The following SNX24 variants were observed in gnomAD, a reference collection of about 807,000 sequenced individuals.
SNX24 encodes the protein sorting nexin 24, also known as sorting nexin-24.
In SNX24, 22 loss-of-function variants were observed where a neutral mutation model predicts 28.7. The ratio of observed to expected loss-of-function variants is 0.77; its 90% CI spans 0.55 to 1.10. SNX24 has a LOEUF of 1.10. SNX24 is among the 50% of genes least tolerant of loss of function. The pLI, the probability that SNX24 is intolerant of heterozygous loss-of-function variation, is 0.00. For synonymous variants in SNX24, 69 were observed against 71.5 expected, an observed-to-expected ratio of 0.96 and a Z score of 0.18; for missense variants, 221 against 201.1, an observed-to-expected ratio of 1.10 and a Z score of -0.60.
At chr5:123,002,071 T>G in intron 6 of SNX24, 67 bp downstream of exon 6, 1 of 1,231,104 alleles carries the variant, frequency 8.1e-7, no homozygotes, top group Non-Finnish European at 1.2e-6. Context: ...AAACCACGTT[T>G]TTAATACAGG....
chr5:122,997,247 A>G (rs990620481), intron 3 of SNX24, among the ~76,000 whole-genome samples: 2 of 152,232 alleles, frequency 1.3e-5, no homozygotes, highest in Non-Finnish European at 2.9e-5. Flanking sequence ...CTAAATGCTT[A>G]ACTAACTCTC....
At chr5:122,975,072 A>G (rs2150151269) in intron 3 of SNX24, among the ~76,000 whole-genome samples, 1 of 152,352 alleles carries the variant, frequency 6.6e-6, no homozygotes, top group South Asian at 2.1e-4. Flanking sequence ...ATGTCAGCTC[A>G]GACTTTTCTT....
At chr5:122,937,208 T>C (rs3797070) in intron 2 of SNX24, among the ~76,000 whole-genome samples, 33 of 152,344 alleles carry the variant, frequency 2.2e-4, no homozygotes, top group African/African-American at 7.9e-4. Context: ...AGTCAACTTA[T>C]ACTTACATGT....
At chr5:122,907,413 G>C (rs1757688259) in intron 1 of SNX24, among the ~76,000 whole-genome samples, 1 of 152,190 alleles carries the variant, frequency 6.6e-6, no homozygotes, top group Non-Finnish European at 1.5e-5. Context: ...AGGAATTAAG[G>C]AGTAGAGATA....
At chr5:122,978,159 A>T (rs909892915) in intron 3 of SNX24, among the ~76,000 whole-genome samples, 3 of 152,248 alleles carry the variant, frequency 2.0e-5, no homozygotes, top group Admixed American at 6.5e-5. Context: ...TTGAAAAACT[A>T]GGACAAAATA....
chr5:123,013,756 G>C (rs1017227449), downstream of SNX24, among the ~76,000 whole-genome samples: 2 of 152,140 alleles, frequency 1.3e-5, no homozygotes, highest in African/African-American at 4.8e-5. Flanking sequence ...GGTGTCCCTA[G>C]CTACAATATT....
At chr5:122,909,214 G>C (rs1324544573) in intron 1 of SNX24, among the ~76,000 whole-genome samples, 2 of 152,036 alleles carry the variant, frequency 1.3e-5, no homozygotes, top group African/African-American at 4.8e-5. Context: ...TTAGAATGAG[G>C]GGTTTTGAAA....
chr5:123,007,831 C>T lies in SNX24; in HGVS notation c.*82C>T, dbSNP rs531142686. The T allele has an allele frequency of 7.3e-4, 1,131 of 1,558,482 alleles. 6 individuals are homozygous for T. In the African/African-American group the frequency reaches 0.013, roughly 18 times the overall value. The stretch of plus-strand genomic sequence containing the variant: ...TCAATACCTACCAATTTAACCTAAA[C>T]GCTATGATATATAACAGCTCTAGCT... On this transcript the variant is annotated 3_prime_UTR_variant, in exon 7 of 7. Coordinates refer to ENST00000261369, the MANE Select transcript of SNX24 (RefSeq NM_014035.4).
Position 123,008,813 on chromosome 5 carries a change from T to C in SNX24, c.*1064T>C, listed in dbSNP as rs1762498979. The C allele has an allele frequency of 3.2e-6, 3 of 933,568 alleles. No individual in the cohort carries two copies. The highest frequency in any genetic ancestry group is 2.6e-6 in the Non-Finnish European group (2 of 782,404). 57.8% of individuals were successfully genotyped at this position (933,568 alleles called of 1,614,324 possible). A position where few individuals can be genotyped will look rare whatever the true frequency, so the allele number is the denominator to read the frequency against. On this transcript the variant is annotated 3_prime_UTR_variant, in exon 7 of 7. Coordinates refer to ENST00000261369, the MANE Select transcript of SNX24 (RefSeq NM_014035.4). Reference sequence around the variant, plus strand: ...ATGTAAGTTAAATGTGTTTATGATATAACTCCACTGTACATCATCCTTTGA... The same window carrying C: ...ATGTAAGTTAAATGTGTTTATGATACAACTCCACTGTACATCATCCTTTGA...
chr5:123,009,089 C>A lies in SNX24; in HGVS notation c.*1340C>A. On this transcript the variant is annotated 3_prime_UTR_variant, in exon 7 of 7. Transcript: ENST00000261369. ...TTCTGTACTACATGTGGGAAACAAGCAAGAACTAAATAATCAAATGTTGTC... is the reference window on the plus strand; with the variant it reads ...TTCTGTACTACATGTGGGAAACAAGAAAGAACTAAATAATCAAATGTTGTC... 1 of 985,504 alleles carries A rather than the reference C, an allele frequency of 1.0e-6. No individual in the cohort carries two copies. Among genetic ancestry groups the A allele is most frequent in the Non-Finnish European group, 1.2e-6 (1 of 829,660 alleles). The allele number at this position is 985,504 out of a possible 1,614,324, so 61.0% of individuals were successfully genotyped here. A position where few individuals can be genotyped will look rare whatever the true frequency, so the allele number is the denominator to read the frequency against.
At chr5:122,896,006 G>C (rs1039750995) in intron 1 of SNX24, among the ~76,000 whole-genome samples, 2 of 151,852 alleles carry the variant, frequency 1.3e-5, no homozygotes, top group African/African-American at 4.8e-5. Context: ...AACATTATCT[G>C]GGTGTGGTGG....
chr5:122,937,816 C>CG (rs1759241888), intron 2 of SNX24, among the ~76,000 whole-genome samples: 1 of 152,202 alleles, frequency 6.6e-6, no homozygotes, highest in Admixed American at 6.5e-5. Context: ...AGTGACTTTA[C>CG]AAAAGCACCA....
At chr5:122,951,661 A>G (rs1759948427) in intron 3 of SNX24, among the ~76,000 whole-genome samples, 1 of 152,250 alleles carries the variant, frequency 6.6e-6, no homozygotes, top group African/African-American at 2.4e-5. Context: ...CCAACAGTTA[A>G]GTAGTAGATG....
At position 123,001,928 on chromosome 5, in the gene SNX24, T is replaced by A; in HGVS notation, c.378-12T>A. ...CCCCTGATGCTGACATGCCTGTTCTTGACCTTTCCAGCAAACTGTCCCACC... is the reference window on the plus strand; with the variant it reads ...CCCCTGATGCTGACATGCCTGTTCTAGACCTTTCCAGCAAACTGTCCCACC... On this transcript the variant is annotated splice_polypyrimidine_tract_variant and intron_variant, in intron 5 of 6. Transcript: ENST00000261369. 1 of 1,613,636 alleles carries A rather than the reference T, an allele frequency of 6.2e-7. No homozygotes were observed. Among genetic ancestry groups the A allele is most frequent in the Non-Finnish European group, 8.5e-7 (1 of 1,179,512 alleles).
intron 1 of SNX24, among the ~76,000 whole-genome samples, chr5:122,890,152 A>G (rs1048913142): frequency 6.6e-6 from 1 of 151,664 alleles, no homozygotes; most frequent in African/African-American, 2.4e-5. Flanking sequence ...GGGCTGGAAA[A>G]CCTTCTTGGG....
intron 6 of SNX24, among the ~76,000 whole-genome samples, chr5:123,006,005 T>G (rs1762411274): frequency 6.6e-6 from 1 of 152,222 alleles, no homozygotes; most frequent in East Asian, 1.9e-4. Context: ...CTCCCCAATT[T>G]TTAAAACAGC....
chr5:123,003,256 C>T (rs1046165434), intron 6 of SNX24, among the ~76,000 whole-genome samples: 6 of 152,266 alleles, frequency 3.9e-5, no homozygotes, highest in Admixed American at 6.5e-5. Context: ...TAGTAGCACC[C>T]CGATCAGAGT....
chr5:122,928,910 A>T (rs1758828461), intron 1 of SNX24, among the ~76,000 whole-genome samples: 2 of 150,896 alleles, frequency 1.3e-5, no homozygotes, highest in Admixed American at 6.6e-5. Flanking sequence ...CCTCACCCAA[A>T]ATTATAGCCG....
chr5:122,904,043 A>AT (rs923923814), intron 1 of SNX24, among the ~76,000 whole-genome samples: 1 of 151,910 alleles, frequency 6.6e-6, no homozygotes, highest in African/African-American at 2.4e-5. Context: ...GAGACCTTAC[A>AT]TTTTTTTTCA....
Sources: gnomAD v4.1 joint callset for allele counts (sites outside exome capture counted in the v4.1 genomes callset) on GRCh38, gnomAD v4.1.1 for gene constraint, MANE v1.5 for transcripts, NCBI Gene and HGNC (gene_info 2026-07-23, HGNC 2026-07-21) for gene names.